The following CDK9 variants were observed in gnomAD, a reference collection of about 807,000 sequenced individuals.
CDK9 encodes cyclin dependent kinase 9.
A neutral mutation model predicts 39.0 loss-of-function variants in CDK9; 34 were observed. The ratio of observed to expected loss-of-function variants is 0.87; its 90% CI spans 0.66 to 1.16. The LOEUF (loss-of-function observed/expected upper bound fraction) is 1.16. Among genes scored for constraint, CDK9 ranks in the 50% most tolerant of loss-of-function variants. CDK9 has a pLI of 0.00. For synonymous variants in CDK9, 233 were observed against 196.2 expected, an observed-to-expected ratio of 1.19 and a Z score of -1.57; for missense variants, 369 against 503.2, an observed-to-expected ratio of 0.73 and a Z score of 2.55.
rs1450390501 is a variant in CDK9 at position 127,790,591 on chromosome 9, A to T, written c.*1048A>T. On this transcript the variant is annotated 3_prime_UTR_variant, in exon 7 of 7. Coordinates refer to ENST00000373264, the MANE Select transcript of CDK9 (RefSeq NM_001261.4). ...CTTGGGAACCTTTGAGGAGCGGCAC[A>T]TTCTGGCAGGCACGTTTTCTGTGAG... 6.6e-6 allele frequency: 1 copy of T among 152,178 alleles called. No homozygotes were observed. Among genetic ancestry groups the T allele is most frequent in the Non-Finnish European group, 1.5e-5 (1 of 68,046 alleles). 9.4% of individuals were successfully genotyped at this position (152,178 alleles called of 1,614,324 possible). A position where few individuals can be genotyped will look rare whatever the true frequency, so the allele number is the denominator to read the frequency against.
intron 3 of CDK9, 88 bp from the exon 4 acceptor site, chr9:127,787,859 G>C: frequency 1.4e-6 from 2 of 1,409,346 alleles, no homozygotes. Flanking sequence ...GGTGCCCGTG[G>C]GTTGGAGCAG....
In CDK9 at chr9:127,789,723, G is replaced by A. The variant is rs1474924982; in HGVS notation, c.*180G>A. ...GGAGCATTGGCTGAGAGACCAGGAG[G>A]GCACTGGAGCTGTCTTGTCCTTGCT... On this transcript the variant is annotated 3_prime_UTR_variant, in exon 7 of 7. Coordinates refer to ENST00000373264, the MANE Select transcript of CDK9 (RefSeq NM_001261.4). This position sits in a 1 kb window ranked among gnomAD's most constrained non-coding sequence, Gnocchi z 5.2. 2 of 784,620 alleles carry A rather than the reference G, an allele frequency of 2.5e-6. No homozygotes were observed. The highest frequency in any genetic ancestry group is 2.7e-5 in the East Asian group (1 of 36,880). 48.6% of individuals were successfully genotyped at this position (784,620 alleles called of 1,614,324 possible).
In CDK9 at chr9:127,789,152, T is replaced by C. The variant is rs1216236801; in HGVS notation, c.754-26T>C. On this transcript the variant is annotated intron_variant, in intron 6 of 6. Coordinates refer to ENST00000373264, the MANE Select transcript of CDK9 (RefSeq NM_001261.4). This position sits in a 1 kb window ranked among gnomAD's most constrained non-coding sequence, Gnocchi z 5.2. ...ACGCACCTCCTGACCGGACTCCATA[T>C]TCTCTCAACGCCCCCTCCCTCCCAG... is the stretch of plus-strand genomic sequence containing the variant. The C allele has an allele frequency of 6.5e-7, 1 of 1,539,480 alleles. No individual in the cohort carries two copies. Among genetic ancestry groups the C allele is most frequent in the Admixed American group, 2.0e-5 (1 of 50,318 alleles).
At position 127,787,559 on chromosome 9, in the gene CDK9, T is replaced by C; in HGVS notation, c.216T>C (p.Leu72=). The C allele has an allele frequency of 6.2e-7, 1 of 1,613,852 alleles. No individual in the cohort carries two copies. The change falls in exon 3 of 7, where the codon CTT becomes CTC. Residue 72 remains leucine (L), a synonymous_variant. Transcript: ENST00000373264. ...TALREIKILQ[L]LKHENVVNLI... ...TGCGGGAGATCAAGATCCTTCAGCT[T>C]CTAAAACACGAGAATGTGGTCAACT...
chr9:127,787,465 C>T, intron 2 of CDK9, 53 bp from the exon 3 acceptor site: 1 of 1,280,984 alleles, frequency 7.8e-7, no homozygotes, highest in Admixed American at 1.7e-5. Context: ...GACCCCAGGG[C>T]TGGGCTCTGT....
Position 127,788,007 on chromosome 9 carries a change from A to ACCTT in CDK9, c.327_330dup (p.Ala111ProfsTer16). ...CTGGTGTTCGACTTCTGCGAGCATG[A>ACCTT]CCTTGCTGGGCTGTTGAGCAATGTT... On this transcript the variant is annotated frameshift_variant, in exon 4 of 7. Coordinates refer to ENST00000373264, the MANE Select transcript of CDK9 (RefSeq NM_001261.4). LOFTEE classifies it high-confidence loss of function. 6.2e-7 allele frequency: 1 copy of ACCTT among 1,614,138 alleles called. No homozygotes were observed. Among genetic ancestry groups the ACCTT allele is most frequent in the East Asian group, 2.2e-5 (1 of 44,886 alleles).
chr9:127,789,763 T>G lies in CDK9; in HGVS notation c.*220T>G. 1.6e-6 allele frequency: 1 copy of G among 622,726 alleles called. No individual in the cohort carries two copies. 38.6% of individuals were successfully genotyped at this position (622,726 alleles called of 1,614,324 possible). A position where few individuals can be genotyped will look rare whatever the true frequency, so the allele number is the denominator to read the frequency against. Reference sequence around the variant, plus strand: ...TTGTCCTTGCTGGTTTTCTGGATGGTTCCCAGAGGGTTTCCATGGGGTAGG... The same window carrying G: ...TTGTCCTTGCTGGTTTTCTGGATGGGTCCCAGAGGGTTTCCATGGGGTAGG... On this transcript the variant is annotated 3_prime_UTR_variant, in exon 7 of 7. Coordinates refer to ENST00000373264, the MANE Select transcript of CDK9 (RefSeq NM_001261.4). The surrounding 1 kb of genome is among the most constrained non-coding windows in gnomAD (Gnocchi z 5.2).
Position 127,786,087 on chromosome 9 carries a change from G to C in CDK9, c.-62G>C. On this transcript the variant is annotated 5_prime_UTR_variant, in exon 1 of 7. Transcript: ENST00000373264. ...GGGGCCTGGAGTGCGGCGGCGGCGG[G>C]ACCCGGAGCAGGAGCGGCGGCAGCA... The C allele has an allele frequency of 7.6e-7, 1 of 1,318,264 alleles. No individual in the cohort carries two copies. The highest frequency in any genetic ancestry group is 1.5e-5 in the African/African-American group (1 of 64,520). The allele number at this position is 1,318,264 out of a possible 1,614,324, so 81.7% of individuals were successfully genotyped here.
In CDK9 at chr9:127,790,732, T is replaced by G. The variant is rs1829412397; in HGVS notation, c.*1189T>G. 1 of 151,952 alleles carries G rather than the reference T, an allele frequency of 6.6e-6. No individual in the cohort carries two copies. Among genetic ancestry groups the G allele is most frequent in the Non-Finnish European group, 1.5e-5 (1 of 67,974 alleles). 9.4% of individuals were successfully genotyped at this position (151,952 alleles called of 1,614,324 possible). A position where few individuals can be genotyped will look rare whatever the true frequency, so the allele number is the denominator to read the frequency against. ...CAAAACCTTTGACCAGAACTGTCCT[T>G]CATTTACAGAAACTGACCCAGACCA... is the stretch of plus-strand genomic sequence containing the variant. On this transcript the variant is annotated 3_prime_UTR_variant, in exon 7 of 7. Coordinates refer to ENST00000373264, the MANE Select transcript of CDK9 (RefSeq NM_001261.4).
In CDK9 at chr9:127,789,587, G is replaced by C; in HGVS notation, c.*44G>C. 6.3e-7 allele frequency: 1 copy of C among 1,590,462 alleles called. No individual in the cohort carries two copies. The highest frequency in any genetic ancestry group is 8.6e-7 in the Non-Finnish European group (1 of 1,168,304). ...AGGGCTCTTGTGTTTTTTTTCTTCT[G>C]CTATGTGACTTGCATCGTGGAGACA... On this transcript the variant is annotated 3_prime_UTR_variant, in exon 7 of 7. Transcript: ENST00000373264. The surrounding 1 kb of genome is among the most constrained non-coding windows in gnomAD (Gnocchi z 5.2).
At position 127,786,594 on chromosome 9, in the gene CDK9, C is replaced by A; in HGVS notation, c.93-107C>A. On this transcript the variant is annotated intron_variant, in intron 1 of 6. Transcript: ENST00000373264. Reference sequence around the variant, plus strand: ...CGCGTGCCCTGGGTACCTAGCCCAGCCCCGCCCGGGAATCTCTTTGCTGCT... The same window carrying A: ...CGCGTGCCCTGGGTACCTAGCCCAGACCCGCCCGGGAATCTCTTTGCTGCT... The A allele has an allele frequency of 2.9e-6, 3 of 1,032,638 alleles. No homozygotes were observed. In the South Asian group the frequency reaches 4.5e-5, roughly 16 times the overall value. The allele number at this position is 1,032,638 out of a possible 1,614,324, so 64.0% of individuals were successfully genotyped here. A position where few individuals can be genotyped will look rare whatever the true frequency, so the allele number is the denominator to read the frequency against.
chr9:127,789,168 T>A lies in CDK9; in HGVS notation c.754-10T>A. The A allele has an allele frequency of 6.4e-7, 1 of 1,551,916 alleles. No homozygotes were observed. Among genetic ancestry groups the A allele is most frequent in the South Asian group, 1.2e-5 (1 of 82,658 alleles). On this transcript the variant is annotated splice_polypyrimidine_tract_variant and intron_variant, in intron 6 of 6. Coordinates refer to ENST00000373264, the MANE Select transcript of CDK9 (RefSeq NM_001261.4). This position sits in a 1 kb window ranked among gnomAD's most constrained non-coding sequence, Gnocchi z 5.2. ...GACTCCATATTCTCTCAACGCCCCC[T>A]CCCTCCCAGGTGTGGCCAAACGTGG...
Position 127,786,234 on chromosome 9 carries a change from C to T in CDK9, c.86C>T (p.Thr29Ile). 1.9e-6 allele frequency: 3 copies of T among 1,608,118 alleles called. No individual in the cohort carries two copies. Among genetic ancestry groups the T allele is most frequent in the South Asian group, 1.1e-5 (1 of 90,648 alleles). ...YEKLAKIGQG[T>I]FGEVFKARHR... is the part of the protein sequence containing the mutation. ...AAGCTCGCCAAGATCGGCCAAGGCA[C>T]CTTCGGGTAAGGCTGGGCCCCTCGG... The change falls in exon 1 of 7, where the codon ACC (threonine) becomes ATC (isoleucine). Residue 29 changes from threonine to isoleucine, a missense_variant. Physicochemically the swap from Thr to Ile is moderately conservative, Grantham distance 89. Coordinates refer to ENST00000373264, the MANE Select transcript of CDK9 (RefSeq NM_001261.4).
At position 127,789,581 on chromosome 9, in the gene CDK9, T is replaced by C; in HGVS notation, c.*38T>C. The C allele has an allele frequency of 6.3e-7, 1 of 1,594,758 alleles. No homozygotes were observed. Among genetic ancestry groups the C allele is most frequent in the African/African-American group, 1.3e-5 (1 of 74,502 alleles). On this transcript the variant is annotated 3_prime_UTR_variant, in exon 7 of 7. Transcript: ENST00000373264. This position sits in a 1 kb window ranked among gnomAD's most constrained non-coding sequence, Gnocchi z 5.2. ...GCCACTAGGGCTCTTGTGTTTTTTT[T>C]CTTCTGCTATGTGACTTGCATCGTG...
Position 127,788,532 on chromosome 9 carries a change from T to C in CDK9, c.605-12T>C, listed in dbSNP as rs772694126. ...GGCTCAAGGGGCCCTCCTGGTGCGC[T>C]CTTCTTCCCAGGGGAGCGGGACTAC... On this transcript the variant is annotated splice_polypyrimidine_tract_variant and intron_variant, in intron 5 of 6. Transcript: ENST00000373264. 24 of 1,553,846 alleles carry C rather than the reference T, an allele frequency of 1.5e-5. No homozygotes were observed. Among genetic ancestry groups the C allele is most frequent in the Non-Finnish European group, 1.4e-5 (16 of 1,148,580 alleles).
chr9:127,788,518 C>T, intron 5 of CDK9, 26 bp from the exon 6 acceptor site: 2 of 1,540,112 alleles, frequency 1.3e-6, no homozygotes, highest in Non-Finnish European at 1.8e-6. Context: ...GCTCAAGGGG[C>T]CCTCCTGGTG....
In CDK9 at chr9:127,786,716, C is replaced by T. The variant is rs748495865; in HGVS notation, c.108C>T (p.Ala36=). The T allele has an allele frequency of 8.7e-6, 14 of 1,613,818 alleles. No homozygotes were observed. The South Asian group carries it at 1.4e-4, about 16-fold the overall frequency. The change falls in exon 2 of 7, where the codon GCC becomes GCT. Residue 36 remains alanine, a synonymous_variant. Transcript: ENST00000373264. ...CCGCCTGCAGGGAGGTGTTCAAGGC[C>T]AGGCACCGCAAGACCGGCCAGAAGG... ...GQGTFGEVFK[A]RHRKTGQKVA... is the part of the protein sequence containing the mutation.
chr9:127,786,589 C>T lies in CDK9; in HGVS notation c.93-112C>T, dbSNP rs1368566784. ...GTAGCCGCGTGCCCTGGGTACCTAGCCCAGCCCCGCCCGGGAATCTCTTTG... is the reference window on the plus strand; with the variant it reads ...GTAGCCGCGTGCCCTGGGTACCTAGTCCAGCCCCGCCCGGGAATCTCTTTG... On this transcript the variant is annotated intron_variant, in intron 1 of 6. Coordinates refer to ENST00000373264, the MANE Select transcript of CDK9 (RefSeq NM_001261.4). 7.1e-6 allele frequency: 7 copies of T among 981,914 alleles called. No homozygotes were observed. In the Admixed American group the frequency reaches 1.7e-4, roughly 24 times the overall value. 60.8% of individuals were successfully genotyped at this position (981,914 alleles called of 1,614,324 possible).
chr9:127,787,080 A>G (rs1218203122), intron 2 of CDK9, among the ~76,000 whole-genome samples: 1 of 152,212 alleles, frequency 6.6e-6, no homozygotes. Context: ...AAGAAAGATT[A>G]TATATGCATG....
Sources: allele counts gnomAD v4.1 joint callset (sites outside exome capture counted in the v4.1 genomes callset), GRCh38; gene constraint gnomAD v4.1.1; non-coding constraint Gnocchi (gnomAD v3.1); transcripts MANE v1.5; gene names NCBI Gene and HGNC (gene_info 2026-07-23, HGNC 2026-07-21).